DSC3: variants seen among roughly 807,000 people sequenced by gnomAD.
DSC3 encodes the protein desmocollin-3.
A neutral mutation model predicts 89.5 loss-of-function variants in DSC3; 97 were observed. The observed-to-expected ratio is 1.08, with a 90% CI of 0.92 to 1.28. DSC3 has a LOEUF of 1.28. DSC3 is among the 50% of genes most tolerant of loss of function. DSC3 has a pLI of 0.00. For synonymous variants in DSC3, 436 were observed against 384.1 expected, an observed-to-expected ratio of 1.14 and a Z score of -1.58; for missense variants, 1,199 against 1,085.3, an observed-to-expected ratio of 1.10 and a Z score of -1.47.
In DSC3 at chr18:31,029,613, G is replaced by A; in HGVS notation, c.370C>T (p.His124Tyr). The change falls in exon 4 of 16, where the codon CAC becomes TAC. Residue 124 changes from histidine (H) to tyrosine (Y), a missense_variant. His to Tyr is a moderately conservative substitution (Grantham distance 83). Transcript: ENST00000360428. ...EHQKKVSKTRHTRETVLRRAK... is the reference protein window; with the variant it reads ...EHQKKVSKTRYTRETVLRRAK... Reference sequence around the variant, plus strand: ...CGCCTGAGAACAGTTTCTCTAGTGTGTCTTGTCTTCGATACCTGAATTTAG... The same window carrying A: ...CGCCTGAGAACAGTTTCTCTAGTGTATCTTGTCTTCGATACCTGAATTTAG... 3 of 1,613,744 alleles carry A rather than the reference G, an allele frequency of 1.9e-6. No homozygotes were observed. The highest frequency in any genetic ancestry group is 2.5e-6 in the Non-Finnish European group (3 of 1,179,666).
chr18:31,030,261 A>G (rs1282384730), intron 3 of DSC3, among the ~76,000 whole-genome samples: 3 of 152,186 alleles, frequency 2.0e-5, no homozygotes, highest in South Asian at 2.1e-4. Context: ...GTTCTATTAG[A>G]CTTTTTAGTG....
chr18:30,996,736 T>A, intron 15 of DSC3, 55 bp downstream of exon 15: 1 of 1,604,578 alleles, frequency 6.2e-7, no homozygotes, highest in South Asian at 1.1e-5. Context: ...GAATTGTCTA[T>A]TTTTCTCCAT....
intron 1 of DSC3, among the ~76,000 whole-genome samples, chr18:31,032,667 C>T (rs1985840813): frequency 6.6e-6 from 1 of 151,606 alleles, no homozygotes; most frequent in South Asian, 2.1e-4. Context: ...GTGATCTTGG[C>T]TCACTGCACC....
chr18:31,037,086 C>T (rs998754961), intron 1 of DSC3, among the ~76,000 whole-genome samples: 1 of 152,002 alleles, frequency 6.6e-6, no homozygotes, highest in African/African-American at 2.4e-5. Flanking sequence ...CCACCGCACT[C>T]GGCCGAATTA....
chr18:31,007,423 C>T (rs1022448025), intron 11 of DSC3, among the ~76,000 whole-genome samples: 3 of 152,066 alleles, frequency 2.0e-5, no homozygotes, highest in Non-Finnish European at 4.4e-5. Context: ...GTTCCAGGTG[C>T]CACATGTTAG....
In DSC3 at chr18:30,996,857, C is replaced by T. The variant is rs767449090; in HGVS notation, c.2427G>A (p.Thr809=). The T allele has an allele frequency of 4.3e-6, 7 of 1,613,828 alleles. No individual in the cohort carries two copies. The highest frequency in any genetic ancestry group is 1.1e-5 in the South Asian group (1 of 91,050). The part of the protein sequence containing the change: ...HTLDSCRGGH[T]EVDNCRYTYS... The stretch of plus-strand genomic sequence containing the variant: ...AAGTGTATCTGCAGTTGTCCACCTC[C>T]GTGTGTCCTCCCCTGCAGGAGTCCA... The change falls in exon 15 of 16, where the codon ACG becomes ACA. Residue 809 remains threonine (T), a synonymous_variant. Transcript: ENST00000360428.
intron 9 of DSC3, among the ~76,000 whole-genome samples, chr18:31,009,567 T>G (rs1358347976): frequency 6.6e-6 from 1 of 152,176 alleles, no homozygotes; most frequent in Non-Finnish European, 1.5e-5. Flanking sequence ...GAATTATACT[T>G]TGGCATTGTC....
chr18:31,025,933 A>T lies in DSC3; in HGVS notation c.475-18T>A, dbSNP rs1413069870. The T allele has an allele frequency of 2.5e-6, 4 of 1,602,082 alleles. No homozygotes were observed. The African/African-American group carries it at 5.4e-5, about 21-fold the overall frequency. ...GATTCAACCTAAAAGTAGAAAAAAA[A>T]TATGCAAAAAAATTAAAACTAAATT... On this transcript the variant is annotated intron_variant, in intron 4 of 15. Coordinates refer to ENST00000360428, the MANE Select transcript of DSC3 (RefSeq NM_001941.5).
At chr18:31,016,905 T>C (rs1985254586) in intron 9 of DSC3, among the ~76,000 whole-genome samples, 1 of 152,162 alleles carries the variant, frequency 6.6e-6, no homozygotes, top group Admixed American at 6.5e-5. Flanking sequence ...CCTATCTTAT[T>C]TTCCCATTTT....
chr18:31,034,047 G>C (rs959697505), intron 1 of DSC3, among the ~76,000 whole-genome samples: 6 of 152,092 alleles, frequency 3.9e-5, no homozygotes, highest in African/African-American at 1.4e-4. Flanking sequence ...GGATTGTCTC[G>C]ATCTCCTGAC....
chr18:31,030,878 G>A, intron 3 of DSC3, 95 bp downstream of exon 3: 1 of 1,147,790 alleles, frequency 8.7e-7, no homozygotes, highest in Non-Finnish European at 1.3e-6. Flanking sequence ...AACAAAAGGG[G>A]AAAATACCCT....
At chr18:30,995,176 C>T (rs925155994) in intron 15 of DSC3, among the ~76,000 whole-genome samples, 5 of 151,444 alleles carry the variant, frequency 3.3e-5, no homozygotes, top group East Asian at 3.9e-4. Context: ...CTTTCCTCAC[C>T]TGTGTGCCCA....
chr18:31,010,004 A>T (rs1036674690), intron 9 of DSC3, among the ~76,000 whole-genome samples: 3 of 152,252 alleles, frequency 2.0e-5, no homozygotes, highest in Admixed American at 6.5e-5. Context: ...ACACTGTACT[A>T]TAAAGTTGAA....
At chr18:31,008,596 A>G (rs1984952109) in intron 9 of DSC3, 71 bp from the exon 10 acceptor site, 8 of 1,580,246 alleles carry the variant, frequency 5.1e-6, no homozygotes, top group Non-Finnish European at 6.0e-6. Context: ...GCAAGTGAAC[A>G]TTTGTCATCC....
At position 30,990,909 on chromosome 18, in the gene DSC3, G is replaced by C. The variant is rs1407333007; in HGVS notation, c.*3266C>G. On this transcript the variant is annotated 3_prime_UTR_variant, in exon 16 of 16. Coordinates refer to ENST00000360428, the MANE Select transcript of DSC3 (RefSeq NM_001941.5). ...TCCCAACATTACAATATATATTAAT[G>C]ATGTCGACAATTTGATAATGAAACA... The C allele has an allele frequency of 6.6e-6, 1 of 152,038 alleles. No individual in the cohort carries two copies. Among genetic ancestry groups the C allele is most frequent in the Admixed American group, 6.6e-5 (1 of 15,266 alleles). The allele number at this position is 152,038 out of a possible 1,614,324, so 9.4% of individuals were successfully genotyped here. A position where few individuals can be genotyped will look rare whatever the true frequency, so the allele number is the denominator to read the frequency against.
In DSC3 at chr18:31,008,328, C is replaced by T; in HGVS notation, c.1461G>A (p.Gly487=). ...YVRIKENLAV[G]SKINGYKAYD... ...ATGCCTTATAGCCGTTGATCTTTGA[C>T]CCCACTGCTAAGTTTTCTTTAATCC... The change falls in exon 10 of 16, where the codon GGG becomes GGA. Residue 487 remains glycine (G), a synonymous_variant. Transcript: ENST00000360428. 1.2e-6 allele frequency: 2 copies of T among 1,614,064 alleles called. No homozygotes were observed. The highest frequency in any genetic ancestry group is 2.2e-5 in the South Asian group (2 of 91,084).
chr18:31,041,529 G>A (rs563115940), intron 1 of DSC3, among the ~76,000 whole-genome samples: 6 of 152,296 alleles, frequency 3.9e-5, no homozygotes, highest in African/African-American at 1.4e-4. Context: ...GAATCCGCGA[G>A]ACCAGACTCG....
intron 2 of DSC3, 109 bp from the exon 3 acceptor site, chr18:31,031,281 C>A (rs975661209): frequency 4.0e-6 from 3 of 757,798 alleles, no homozygotes; most frequent in Non-Finnish European, 6.3e-6. Flanking sequence ...ATGAAATAAG[C>A]CAATCACTTT....
intron 1 of DSC3, among the ~76,000 whole-genome samples, chr18:31,041,538 C>A (rs954652749): frequency 6.6e-6 from 1 of 152,200 alleles, no homozygotes; most frequent in African/African-American, 2.4e-5. Flanking sequence ...AGACCAGACT[C>A]GGCTCACTGC....
Sources: gnomAD v4.1 joint callset for allele counts (sites outside exome capture counted in the v4.1 genomes callset) on GRCh38, gnomAD v4.1.1 for gene constraint, MANE v1.5 for transcripts, NCBI Gene and HGNC (gene_info 2026-07-23, HGNC 2026-07-21) for gene names.